The following EYS variants were observed in gnomAD, a reference collection of about 807,000 sequenced individuals.
EYS encodes the protein EGF-like photoreceptor maintenance factor.
A neutral mutation model predicts 282.1 loss-of-function variants in EYS; 250 were observed. The ratio of observed to expected loss-of-function variants is 0.89; its 90% confidence interval spans 0.80 to 0.98. EYS has a LOEUF of 0.98. Among genes scored for constraint, EYS ranks in the 50% least tolerant of loss-of-function variants. The probability of loss-of-function intolerance (pLI) is 0.00; values close to 1 mark genes in which losing one functional copy is unlikely to be tolerated. For synonymous variants in EYS, 1,355 were observed against 1,282.9 expected (o/e 1.06, Z -1.20); for missense variants, 4,016 against 3,709.0 (o/e 1.08, Z -2.15).
At position 64,774,958 on chromosome 6, in the gene EYS, G is replaced by A. The variant is rs56964378; in HGVS notation, c.3443+38420C>T. Among the ~76,000 whole-genome samples, 1,440 of 151,890 alleles carry A rather than the reference G, an allele frequency of 9.5e-3. 27 individuals carry two copies. The highest frequency in any genetic ancestry group is 0.03 in the African/African-American group (1,249 of 41,428). ...TATTTCATGTTTATCTTACAGACTCGTTTTTGTCACTAGGGAAAGGTATTT... is the reference window on the plus strand; with the variant it reads ...TATTTCATGTTTATCTTACAGACTCATTTTTGTCACTAGGGAAAGGTATTT... On this transcript the variant is annotated intron_variant, in intron 22 of 42. Coordinates refer to ENST00000503581, the MANE Select transcript of EYS (RefSeq NM_001142800.2).
At chr6:64,899,495 C>T (rs1195863049) in intron 18 of EYS, among the ~76,000 whole-genome samples, 1 of 152,120 alleles carries the variant, frequency 6.6e-6, no homozygotes, top group Non-Finnish European at 1.5e-5. Flanking sequence ...ACTCCTTAAG[C>T]TGATGAGCAA....
In EYS at chr6:65,490,591, T is replaced by TA. The variant is rs775431081; in HGVS notation, c.862+2dup. On this transcript the variant is annotated splice_region_variant and intron_variant, in intron 5 of 42. Coordinates refer to ENST00000503581, the MANE Select transcript of EYS (RefSeq NM_001142800.2). Reference sequence around the variant, plus strand: ...TATGGTTGTATACATATGCATTTTTTACCTGAAAATTGCTCATCACATTCA... The same window carrying TA: ...TATGGTTGTATACATATGCATTTTTTAACCTGAAAATTGCTCATCACATTCA... The TA allele has an allele frequency of 3.2e-6, 5 of 1,553,708 alleles. No individual in the cohort carries two copies. Among genetic ancestry groups the TA allele is most frequent in the Non-Finnish European group, 4.4e-6 (5 of 1,125,562 alleles).
intron 22 of EYS, among the ~76,000 whole-genome samples, chr6:64,763,495 A>G (rs1439800160): frequency 2.0e-5 from 3 of 152,042 alleles, no homozygotes; most frequent in Non-Finnish European, 4.4e-5. Context: ...TCACAATCCA[A>G]TCACCTCCCA....
At chr6:64,322,354 T>C (rs1192206390) in intron 29 of EYS, among the ~76,000 whole-genome samples, 2 of 152,034 alleles carry the variant, frequency 1.3e-5, no homozygotes, top group African/African-American at 4.8e-5. Context: ...CCAGATAAAG[T>C]TCAGTTTAAG....
intron 40 of EYS, among the ~76,000 whole-genome samples, chr6:63,773,738 T>C (rs925176128): frequency 6.6e-6 from 1 of 152,128 alleles, no homozygotes; most frequent in Non-Finnish European, 1.5e-5. Flanking sequence ...TGAGGAGTAA[T>C]AGAAGACTGA....
intron 36 of EYS, among the ~76,000 whole-genome samples, chr6:63,825,593 T>C (rs1771438969): frequency 6.6e-6 from 1 of 152,114 alleles, no homozygotes; most frequent in Non-Finnish European, 1.5e-5. Context: ...ATGGCCAGTA[T>C]CAGTCCAGAG....
intron 28 of EYS, among the ~76,000 whole-genome samples, chr6:64,434,534 T>C (rs1346325497): frequency 6.6e-6 from 1 of 152,066 alleles, no homozygotes; most frequent in African/African-American, 2.4e-5. Flanking sequence ...ATCTTGAACA[T>C]ACAGCAGTTC....
At chr6:64,081,578 A>G (rs982837289) in intron 32 of EYS, among the ~76,000 whole-genome samples, 3 of 152,170 alleles carry the variant, frequency 2.0e-5, no homozygotes, top group Non-Finnish European at 2.9e-5. Context: ...CATTTGCAGC[A>G]TTTGTTTTAC....
At chr6:64,296,592 ATATATATTTTTT>A (rs1769029807) in intron 30 of EYS, among the ~76,000 whole-genome samples, 4 of 4,508 alleles carry the variant, frequency 8.9e-4, no homozygotes, top group African/African-American at 2.5e-3. Flanking sequence ...ATACATATAT[ATATATATTTTTT>A]TTTTTTTTTT....
intron 35 of EYS, among the ~76,000 whole-genome samples, chr6:63,941,050 A>G (rs1308710524): frequency 3.3e-5 from 5 of 152,142 alleles, no homozygotes; most frequent in Non-Finnish European, 5.9e-5. Flanking sequence ...TCCATGGTGT[A>G]TATGAGCCAC....
chr6:64,408,997 C>T (rs1407583960), intron 28 of EYS, among the ~76,000 whole-genome samples: 2 of 152,074 alleles, frequency 1.3e-5, no homozygotes, highest in African/African-American at 4.8e-5. Context: ...CTTTTTGTTT[C>T]CAAGTGTACT....
chr6:64,921,547 C>A (rs904810284), intron 15 of EYS, among the ~76,000 whole-genome samples: 12 of 152,268 alleles, frequency 7.9e-5, no homozygotes, highest in African/African-American at 2.9e-4. Context: ...GATCCTGCTT[C>A]TTGATGAGAC....
chr6:64,682,236 C>G (rs1297440342), intron 22 of EYS, among the ~76,000 whole-genome samples: 1 of 152,022 alleles, frequency 6.6e-6, no homozygotes, highest in Non-Finnish European at 1.5e-5. Context: ...GGCGTGGTGG[C>G]GGGCGCCTGT....
chr6:64,059,481 A>G (rs1771091139), intron 33 of EYS, among the ~76,000 whole-genome samples: 1 of 152,194 alleles, frequency 6.6e-6, no homozygotes, highest in African/African-American at 2.4e-5. Context: ...TATTCCATAA[A>G]GATACTCTGT....
intron 14 of EYS, among the ~76,000 whole-genome samples, chr6:64,972,000 C>CA (rs561808817): frequency 5.8e-4 from 87 of 149,110 alleles, no homozygotes; most frequent in East Asian, 3.6e-3. Context: ...GTGGATATGG[C>CA]AAAAAAAAAG....
chr6:64,304,411 G>A (rs1769358206), intron 30 of EYS, among the ~76,000 whole-genome samples: 1 of 152,116 alleles, frequency 6.6e-6, no homozygotes, highest in South Asian at 2.1e-4. Flanking sequence ...GGAAATAGAG[G>A]ACTTAACACA....
intron 26 of EYS, among the ~76,000 whole-genome samples, chr6:64,493,390 AAACTATTGACT>A (rs1776793031): frequency 6.6e-6 from 1 of 151,532 alleles, no homozygotes; most frequent in Non-Finnish European, 1.5e-5. Context: ...GGCAAAAGCC[AAACTATTGACT>A]AAATTGCAAG....
At chr6:64,713,811 G>C (rs1286383075) in intron 22 of EYS, among the ~76,000 whole-genome samples, 2 of 152,034 alleles carry the variant, frequency 1.3e-5, no homozygotes, top group Admixed American at 1.3e-4. Flanking sequence ...TATTAAGAAG[G>C]GCTTTCCTGT....
At chr6:63,954,028 G>A (rs1765709786) in intron 35 of EYS, among the ~76,000 whole-genome samples, 1 of 152,060 alleles carries the variant, frequency 6.6e-6, no homozygotes, top group Non-Finnish European at 1.5e-5. Flanking sequence ...TATACTTTCT[G>A]CTCCCTGGTT....
Sources: gnomAD v4.1 joint callset for allele counts (sites outside exome capture counted in the v4.1 genomes callset) on GRCh38, gnomAD v4.1.1 for gene constraint, MANE v1.5 for transcripts, NCBI Gene and HGNC (gene_info 2026-07-23, HGNC 2026-07-21) for gene names.